CCDC7: variants seen among roughly 807,000 people sequenced by gnomAD.
CCDC7 encodes coiled-coil domain-containing protein 7.
A neutral mutation model predicts 196.9 loss-of-function variants in CCDC7; 183 were observed. The observed-to-expected ratio is 0.93, with a 90% confidence interval of 0.82 to 1.05. The LOEUF is 1.05. Ranked by LOEUF, CCDC7 falls within the 50% of genes least tolerant of loss-of-function variation. The pLI, the probability that CCDC7 is intolerant of heterozygous loss-of-function variation, is 0.00. For synonymous variants in CCDC7, 525 were observed against 484.6 expected, an observed-to-expected ratio of 1.08 and a Z score of -1.10; for missense variants, 1,540 against 1,482.2, an observed-to-expected ratio of 1.04 and a Z score of -0.64.
chr10:32,494,240 C>T (rs1196969109), intron 9 of CCDC7, among the ~76,000 whole-genome samples: 2 of 152,078 alleles, frequency 1.3e-5, no homozygotes, highest in Admixed American at 1.3e-4. Context: ...GACCCTATTT[C>T]ATTCTTCTGT....
intron 21 of CCDC7, among the ~76,000 whole-genome samples, chr10:32,676,790 C>G (rs1030546254): frequency 1.3e-5 from 2 of 152,050 alleles, no homozygotes; most frequent in Non-Finnish European, 2.9e-5. Flanking sequence ...AACTAGTTCA[C>G]CCATTGTGGA....
intron 35 of CCDC7, 80 bp from the exon 37 acceptor site, chr10:32,845,784 CACACACACACAT>C: frequency 4.5e-6 from 5 of 1,107,394 alleles, no homozygotes; most frequent in South Asian, 2.7e-5. Flanking sequence ...CACACACACA[CACACACACACAT>C]ACACACACAC....
At chr10:32,847,471 A>T (rs537253145) in intron 37 of CCDC7, among the ~76,000 whole-genome samples, 151 of 152,296 alleles carry the variant, frequency 9.9e-4, no homozygotes, top group African/African-American at 3.5e-3. Context: ...ATTATTCTTA[A>T]GGAAGAAAAG....
At chr10:32,559,176 G>A (rs1248095916) in intron 13 of CCDC7, among the ~76,000 whole-genome samples, 3 of 152,250 alleles carry the variant, frequency 2.0e-5, no homozygotes, top group Admixed American at 6.5e-5. Flanking sequence ...AGCTCGAACT[G>A]GGTGGAGCCC....
At chr10:32,495,464 C>G (rs2042773096) in intron 9 of CCDC7, among the ~76,000 whole-genome samples, 1 of 152,182 alleles carries the variant, frequency 6.6e-6, no homozygotes, top group Admixed American at 6.5e-5. Context: ...AAGTCTTTAC[C>G]CATGCCTATG....
chr10:32,820,570 A>G (rs2089965852), intron 31 of CCDC7, among the ~76,000 whole-genome samples: 1 of 152,156 alleles, frequency 6.6e-6, no homozygotes, highest in Non-Finnish European at 1.5e-5. Context: ...CAACTATACT[A>G]CAAGGCTACA....
intron 11 of CCDC7, among the ~76,000 whole-genome samples, chr10:32,531,884 C>T (rs1047925093): frequency 3.3e-5 from 5 of 152,026 alleles, no homozygotes; most frequent in African/African-American, 1.2e-4. Context: ...TCTGAGGTCT[C>T]AGTTGTTATT....
chr10:32,835,237 T>G (rs1480735467), intron 33 of CCDC7, among the ~76,000 whole-genome samples: 1 of 152,106 alleles, frequency 6.6e-6, no homozygotes, highest in Non-Finnish European at 1.5e-5. Flanking sequence ...GTCTCAATTA[T>G]CTGTCTAAAA....
At chr10:32,576,312 A>G (rs1258436545) in intron 16 of CCDC7, among the ~76,000 whole-genome samples, 2 of 152,022 alleles carry the variant, frequency 1.3e-5, no homozygotes, top group East Asian at 1.9e-4. Flanking sequence ...TAAAAAAAAA[A>G]AAAAAAGAAA....
chr10:32,487,081 G>A (rs1310528422), intron 8 of CCDC7, among the ~76,000 whole-genome samples: 1 of 152,178 alleles, frequency 6.6e-6, no homozygotes, highest in Non-Finnish European at 1.5e-5. Context: ...ATATCCTGAA[G>A]AGTGTTTTCC....
intron 21 of CCDC7, among the ~76,000 whole-genome samples, chr10:32,671,287 T>A (rs2074013345): frequency 1.3e-5 from 2 of 152,180 alleles, no homozygotes; most frequent in African/African-American, 4.8e-5. Flanking sequence ...TGTGCTATGT[T>A]TTTCTAATTT....
Position 32,627,099 on chromosome 10 carries a change from G to T in CCDC7, c.1802-7155G>T, listed in dbSNP as rs78697008. ...TCTATGTCTGTGAAAAGTGACATTGGAATTTTAATAGGATTGCGTTGACAC... is the reference window on the plus strand; with the variant it reads ...TCTATGTCTGTGAAAAGTGACATTGTAATTTTAATAGGATTGCGTTGACAC... On this transcript the variant is annotated intron_variant, in intron 18 of 41. Coordinates refer to ENST00000639629, the Ensembl canonical transcript of CCDC7. Among the ~76,000 whole-genome samples the T allele has an allele frequency of 7.1e-3, 1,077 of 151,652 alleles. 16 individuals carry two copies. Among genetic ancestry groups the T allele is most frequent in the African/African-American group, 0.023 (969 of 41,414 alleles).
downstream of CCDC7, among the ~76,000 whole-genome samples, chr10:32,878,493 G>C (rs1198410791): frequency 6.6e-6 from 1 of 152,034 alleles, no homozygotes; most frequent in Non-Finnish European, 1.5e-5. Flanking sequence ...AGGATAGCAG[G>C]ATAACCCTTA....
intron 21 of CCDC7, among the ~76,000 whole-genome samples, chr10:32,674,788 A>T (rs1294204286): frequency 6.6e-6 from 1 of 152,062 alleles, no homozygotes; most frequent in African/African-American, 2.4e-5. Flanking sequence ...TATTTTTGAG[A>T]TGGAGTCTTG....
intron 11 of CCDC7, among the ~76,000 whole-genome samples, chr10:32,540,306 C>T (rs1478605026): frequency 6.6e-6 from 1 of 152,136 alleles, no homozygotes; most frequent in Non-Finnish European, 1.5e-5. Flanking sequence ...TCTTTATTTG[C>T]TTAAAGTCCC....
downstream of CCDC7, among the ~76,000 whole-genome samples, chr10:32,877,321 A>G (rs1295486043): frequency 4.6e-5 from 7 of 152,118 alleles, no homozygotes; most frequent in East Asian, 1.3e-3. Flanking sequence ...TAAAACTGTG[A>G]AAGATCCCAA....
chr10:32,868,015 C>G (rs2094269303), intron 41 of CCDC7, among the ~76,000 whole-genome samples: 1 of 151,830 alleles, frequency 6.6e-6, no homozygotes, highest in African/African-American at 2.4e-5. Context: ...GTAATCATAC[C>G]TATTTATTTC....
At chr10:32,704,140 G>A (rs576469461) in intron 24 of CCDC7, among the ~76,000 whole-genome samples, 2 of 152,104 alleles carry the variant, frequency 1.3e-5, no homozygotes, top group East Asian at 3.9e-4. Flanking sequence ...CCCCATCTTT[G>A]TTATCTACCT....
chr10:32,531,807 A>G (rs1314527388), intron 11 of CCDC7, among the ~76,000 whole-genome samples: 4 of 151,978 alleles, frequency 2.6e-5, no homozygotes, highest in South Asian at 4.2e-4. Flanking sequence ...GAATTTATCT[A>G]TTTCTTCTAG....
Sources: allele counts gnomAD v4.1 joint callset (sites outside exome capture counted in the v4.1 genomes callset), GRCh38; gene constraint gnomAD v4.1.1; transcripts MANE v1.5; gene names NCBI Gene and HGNC (gene_info 2026-07-23, HGNC 2026-07-21).